The following ADAM9 variants were observed in gnomAD, a reference collection of about 807,000 sequenced individuals.
ADAM9 encodes the protein disintegrin and metalloproteinase domain-containing protein 9.
In ADAM9, 54 loss-of-function variants were observed where a neutral mutation model predicts 108.1. That is an observed-to-expected ratio of 0.50 (90% confidence interval 0.40 to 0.63). The LOEUF is 0.63. Ranked by LOEUF, ADAM9 falls within the 20% of genes least tolerant of loss-of-function variation. The pLI, the probability that ADAM9 is intolerant of heterozygous loss-of-function variation, is 0.00. For missense variants in ADAM9, 830 were observed against 997.7 expected (o/e 0.83, Z 2.26); for synonymous variants, 316 against 336.0 (o/e 0.94, Z 0.65).
intron 20 of ADAM9, among the ~76,000 whole-genome samples, chr8:39,101,180 A>C (rs1197729825): frequency 6.6e-6 from 1 of 152,244 alleles, no homozygotes; most frequent in Admixed American, 6.5e-5. Context: ...AAAAGAATTA[A>C]GTATTCCACA....
intron 1 of ADAM9, among the ~76,000 whole-genome samples, chr8:39,003,624 A>G (rs919795701): frequency 6.6e-6 from 1 of 152,164 alleles, no homozygotes; most frequent in Non-Finnish European, 1.5e-5. Context: ...TCATACAATT[A>G]GTATGTATTA....
At chr8:39,008,840 A>C (rs1836251537) in intron 2 of ADAM9, among the ~76,000 whole-genome samples, 1 of 152,172 alleles carries the variant, frequency 6.6e-6, no homozygotes, top group African/African-American at 2.4e-5. Context: ...TTTTTCTACT[A>C]TTCTTTTGTA....
chr8:39,089,796 A>G, intron 18 of ADAM9: 1 of 468,702 alleles, frequency 2.1e-6, no homozygotes. Flanking sequence ...GTAGAAACGT[A>G]TTTTGTTCTT....
At chr8:39,008,736 A>G (rs540315080) in intron 2 of ADAM9, among the ~76,000 whole-genome samples, 1 of 152,192 alleles carries the variant, frequency 6.6e-6, no homozygotes, top group African/African-American at 2.4e-5. Context: ...CGTATATTTT[A>G]TATTAGGGAA....
intron 16 of ADAM9, 99 bp downstream of exon 16, chr8:39,077,510 CTA>C: frequency 8.7e-7 from 1 of 1,145,028 alleles, no homozygotes; most frequent in Non-Finnish European, 1.2e-6. Context: ...TAAAAGTAAT[CTA>C]AATTCATTAT....
intron 19 of ADAM9, 22 bp from the exon 20 acceptor site, chr8:39,091,237 C>CA (rs764559132): frequency 6.3e-7 from 1 of 1,599,738 alleles, no homozygotes; most frequent in South Asian, 1.1e-5. Flanking sequence ...TAATTTAGAT[C>CA]AAAAGTAATT....
At chr8:39,008,040 G>A (rs1415005233) in intron 2 of ADAM9, 57 bp downstream of exon 2, 2 of 1,292,224 alleles carry the variant, frequency 1.5e-6, no homozygotes, top group East Asian at 4.7e-5. Context: ...TTCTGTTTTA[G>A]CACAAAGGTG....
At chr8:39,000,467 TTTTTC>T (rs1377862613) in intron 1 of ADAM9, among the ~76,000 whole-genome samples, 1 of 151,976 alleles carries the variant, frequency 6.6e-6, no homozygotes, top group African/African-American at 2.4e-5. Context: ...ACATCTTTTT[TTTTTC>T]TTTCTGAGAG....
Position 39,035,054 on chromosome 8 carries a change from A to C in ADAM9, c.1131-6892A>C, listed in dbSNP as rs545069445. On this transcript the variant is annotated intron_variant, in intron 11 of 21. Coordinates refer to ENST00000487273, the MANE Select transcript of ADAM9 (RefSeq NM_003816.3). ...TGTCTGCACATTTGCTGTCTCTCTT[A>C]CGCCTCTGTGATTCTAGTGAACTGT... Among the ~76,000 whole-genome samples, 5 of 152,308 alleles carry C rather than the reference A, an allele frequency of 3.3e-5. No homozygotes were observed. The East Asian group carries it at 9.6e-4, about 29-fold the overall frequency.
rs1836750217 is a variant in ADAM9, at chr8:39,021,810, A to T, written c.744+96A>T. ...TGTCTCATTTTGAGTTCTGATTTTC[A>T]TAGGGCCTCAATGACTTAGTCTTTC... On this transcript the variant is annotated intron_variant, in intron 8 of 21. Coordinates refer to ENST00000487273, the MANE Select transcript of ADAM9 (RefSeq NM_003816.3). 5.6e-6 allele frequency: 6 copies of T among 1,067,940 alleles called. No individual in the cohort carries two copies. The East Asian group carries it at 1.4e-4, about 26-fold the overall frequency. 66.2% of individuals were successfully genotyped at this position (1,067,940 alleles called of 1,614,324 possible).
At chr8:39,036,567 AGAG>A (rs1446381883) in intron 11 of ADAM9, among the ~76,000 whole-genome samples, 1 of 152,158 alleles carries the variant, frequency 6.6e-6, no homozygotes, top group Non-Finnish European at 1.5e-5. Flanking sequence ...GTGAGAAAAG[AGAG>A]GAGGAGAGGC....
chr8:39,055,858 GATAA>G (rs1838105374), intron 14 of ADAM9, 86 bp downstream of exon 14: 2 of 1,363,530 alleles, frequency 1.5e-6, no homozygotes, highest in Non-Finnish European at 2.0e-6. Context: ...AAACATTATT[GATAA>G]AGTTGAGGCT....
At chr8:39,037,078 A>G (rs1178606390) in intron 11 of ADAM9, among the ~76,000 whole-genome samples, 5 of 72,018 alleles carry the variant, frequency 6.9e-5, no homozygotes, top group African/African-American at 5.5e-5. Context: ...TTTTTTTGAG[A>G]CGGAGTCTCG....
At chr8:39,093,833 G>A (rs911641625) in intron 20 of ADAM9, among the ~76,000 whole-genome samples, 7 of 152,148 alleles carry the variant, frequency 4.6e-5, no homozygotes, top group East Asian at 1.9e-4. Context: ...GCAGTGGCAC[G>A]ATCTCGGCTT....
chr8:39,061,688 A>G (rs905083415), intron 14 of ADAM9, among the ~76,000 whole-genome samples: 5 of 151,762 alleles, frequency 3.3e-5, no homozygotes, highest in African/African-American at 1.2e-4. Context: ...CGTTTTGCTG[A>G]GCCATCACAT....
chr8:39,077,469 T>A, intron 16 of ADAM9, 58 bp downstream of exon 16: 1 of 1,465,446 alleles, frequency 6.8e-7, no homozygotes, highest in Non-Finnish European at 9.3e-7. Flanking sequence ...AAAATTATTA[T>A]ACATAGTAAG....
At chr8:39,002,590 G>A (rs1836035547) in intron 1 of ADAM9, among the ~76,000 whole-genome samples, 1 of 151,856 alleles carries the variant, frequency 6.6e-6, no homozygotes, top group South Asian at 2.1e-4. Context: ...CAAATTGCTG[G>A]GACTATAGGC....
chr8:39,004,103 ATTTC>A (rs1307477247), intron 1 of ADAM9, among the ~76,000 whole-genome samples: 3 of 152,108 alleles, frequency 2.0e-5, no homozygotes, highest in Non-Finnish European at 2.9e-5. Context: ...TTTTGGAGGC[ATTTC>A]TTTTTCTCTG....
At chr8:39,033,527 A>G (rs1255741041) in intron 11 of ADAM9, among the ~76,000 whole-genome samples, 1 of 151,852 alleles carries the variant, frequency 6.6e-6, no homozygotes, top group African/African-American at 2.4e-5. Context: ...ATGCTTCTAA[A>G]ACATATTTAA....
Sources: allele counts gnomAD v4.1 joint callset (sites outside exome capture counted in the v4.1 genomes callset), GRCh38; gene constraint gnomAD v4.1.1; transcripts MANE v1.5; gene names NCBI Gene and HGNC (gene_info 2026-07-23, HGNC 2026-07-21).